The following NPAS3 variants were observed in gnomAD, a reference collection of about 807,000 sequenced individuals.
NPAS3 encodes neuronal PAS domain protein 3, also known as neuronal PAS domain-containing protein 3.
A neutral mutation model predicts 73.1 loss-of-function variants in NPAS3; 14 were observed. The observed-to-expected ratio is 0.19, with a 90% confidence interval of 0.13 to 0.30. The LOEUF (loss-of-function observed/expected upper bound fraction) is 0.30, where lower values mean the gene tolerates loss of function less well. NPAS3 is among the 10% of genes least tolerant of loss of function. NPAS3 has a pLI of 1.00. For synonymous variants in NPAS3, 620 were observed against 541.5 expected, an observed-to-expected ratio of 1.14 and a Z score of -2.01; for missense variants, 1,096 against 1,250.0, an observed-to-expected ratio of 0.88 and a Z score of 1.86.
At chr14:33,354,042 T>C (rs10146790) in intron 3 of NPAS3, among the ~76,000 whole-genome samples, 94,334 of 151,986 alleles carry the variant, frequency 0.62, 29,575 homozygotes, top group African/African-American at 0.7. Flanking sequence ...AAAAAAATAG[T>C]GTGTTGCTTA....
intron 1 of NPAS3, among the ~76,000 whole-genome samples, chr14:32,970,632 G>T (rs1190193739): frequency 2.0e-5 from 3 of 152,126 alleles, no homozygotes; most frequent in Non-Finnish European, 4.4e-5. Context: ...TGAGATCAAG[G>T]TGTCGGGATC....
chr14:32,977,150 A>G (rs987337758), intron 1 of NPAS3, among the ~76,000 whole-genome samples: 6 of 151,272 alleles, frequency 4.0e-5, no homozygotes, highest in Non-Finnish European at 7.4e-5. Flanking sequence ...CTGATTTGTC[A>G]CTATAATTAT....
rs369916736 is a variant in NPAS3, at chr14:33,249,969, C to T, written c.385+34543C>T. 2.5e-4 allele frequency among the ~76,000 whole-genome samples: 38 copies of T among 151,748 alleles called. 1 individual carries two copies. In the South Asian group the frequency reaches 7.3e-3, roughly 29 times the overall value. On this transcript the variant is annotated intron_variant, in intron 3 of 11. Transcript: ENST00000356141. ...ATACACATATAAAATTGTTACTGTTCGATCCCCACTTTTAATAAGAATGGG... is the reference window on the plus strand; with the variant it reads ...ATACACATATAAAATTGTTACTGTTTGATCCCCACTTTTAATAAGAATGGG...
At chr14:33,332,590 C>T (rs879001721) in intron 3 of NPAS3, among the ~76,000 whole-genome samples, 4 of 152,282 alleles carry the variant, frequency 2.6e-5, no homozygotes, top group South Asian at 2.1e-4. Flanking sequence ...AACCATGTCA[C>T]GTCCCCTTAA....
chr14:33,583,511 T>C (rs1595208943), intron 5 of NPAS3: 1 of 152,216 alleles, frequency 6.6e-6, no homozygotes, highest in Non-Finnish European at 1.5e-5. Flanking sequence ...CCCCTAAGAA[T>C]TGATCTATGA....
intron 4 of NPAS3, among the ~76,000 whole-genome samples, chr14:33,485,934 C>T (rs115429485): frequency 0.011 from 1,728 of 151,972 alleles, 32 homozygotes; most frequent in African/African-American, 0.04. Context: ...TCTAGGGGGT[C>T]ATAGTATATG....
intron 1 of NPAS3, among the ~76,000 whole-genome samples, chr14:32,947,997 A>G (rs796357628): frequency 9.9e-5 from 15 of 152,240 alleles, no homozygotes; most frequent in African/African-American, 3.6e-4. Context: ...TCCAGCTGCT[A>G]CTATAACCTG....
At chr14:33,724,382 C>T (rs2061203966) in intron 6 of NPAS3, among the ~76,000 whole-genome samples, 1 of 152,126 alleles carries the variant, frequency 6.6e-6, no homozygotes, top group African/African-American at 2.4e-5. Context: ...GTCTGTAATC[C>T]TAGCACTTTG....
At chr14:33,305,611 T>G (rs892444875) in intron 3 of NPAS3, among the ~76,000 whole-genome samples, 1 of 152,138 alleles carries the variant, frequency 6.6e-6, no homozygotes, top group Non-Finnish European at 1.5e-5. Flanking sequence ...TGAGAATATT[T>G]TTAAGATTGG....
chr14:33,695,507 T>A (rs181941938), intron 6 of NPAS3, among the ~76,000 whole-genome samples: 2 of 152,282 alleles, frequency 1.3e-5, no homozygotes, highest in East Asian at 3.9e-4. Context: ...GACTTCACAT[T>A]GTCAAGTTGG....
intron 1 of NPAS3, among the ~76,000 whole-genome samples, chr14:32,969,152 C>G (rs2037317236): frequency 6.6e-6 from 1 of 152,070 alleles, no homozygotes; most frequent in South Asian, 2.1e-4. Context: ...AGTCTCAGTC[C>G]CTCACCTCCT....
chr14:33,197,561 G>T (rs2046417259), intron 2 of NPAS3, among the ~76,000 whole-genome samples: 1 of 151,708 alleles, frequency 6.6e-6, no homozygotes, highest in Admixed American at 6.6e-5. Context: ...CTCCTGTAAT[G>T]GAAGCAAAAA....
chr14:33,300,472 C>A (rs376426593), intron 3 of NPAS3, among the ~76,000 whole-genome samples: 1 of 152,230 alleles, frequency 6.6e-6, no homozygotes, highest in Admixed American at 6.5e-5. Context: ...ATCAGCCCAA[C>A]CTCTGCAGCA....
chr14:33,758,378 G>A (rs974449172), intron 7 of NPAS3, among the ~76,000 whole-genome samples: 5 of 152,238 alleles, frequency 3.3e-5, no homozygotes, highest in African/African-American at 4.8e-5. Context: ...GCCTTGTCAG[G>A]ATGGCTCTCC....
chr14:33,259,391 C>A lies in NPAS3; in HGVS notation c.385+43965C>A, dbSNP rs546229259. Among the ~76,000 whole-genome samples the A allele has an allele frequency of 9.2e-5, 14 of 152,284 alleles. 1 individual carries two copies. The highest frequency in any genetic ancestry group is 3.4e-3 in the Middle Eastern group (1 of 294). On this transcript the variant is annotated intron_variant, in intron 3 of 11. Coordinates refer to ENST00000356141, the Ensembl canonical transcript of NPAS3. ...ATGATTCACAAACTAAACTACCAAT[C>A]AAATCCTTGGCTTACCGATGGAATA... is the stretch of plus-strand genomic sequence containing the variant.
intron 5 of NPAS3, among the ~76,000 whole-genome samples, chr14:33,675,072 A>AAGAAACAAAC (rs61281795): frequency 6.6e-6 from 1 of 151,422 alleles, no homozygotes; most frequent in Non-Finnish European, 1.5e-5. Flanking sequence ...AATATCCACC[A>AAGAAACAAAC]AGAAACTTGT....
At chr14:33,201,970 A>G (rs1446022886) in intron 2 of NPAS3, among the ~76,000 whole-genome samples, 1 of 152,226 alleles carries the variant, frequency 6.6e-6, no homozygotes, top group Non-Finnish European at 1.5e-5. Flanking sequence ...GAAACTTTTC[A>G]GTTTTGTATG....
intron 3 of NPAS3, among the ~76,000 whole-genome samples, chr14:33,338,243 TTCTG>T (rs1370588044): frequency 6.6e-6 from 1 of 152,142 alleles, no homozygotes; most frequent in Admixed American, 6.5e-5. Context: ...AATGATAATC[TTCTG>T]TCTAAGCCTC....
chr14:33,294,208 C>T lies in NPAS3; in HGVS notation c.386-72978C>T, dbSNP rs146112427. ...CTTGAAGCCATGGTCTTCCCTTGGA[C>T]TGCCTCCCTAGCTTTTGCTTTCTCT... On this transcript the variant is annotated intron_variant, in intron 3 of 11. Transcript: ENST00000356141. 1.7e-4 allele frequency among the ~76,000 whole-genome samples: 26 copies of T among 152,328 alleles called. No individual in the cohort carries two copies. In the East Asian group the frequency reaches 5.0e-3, roughly 29 times the overall value.
Sources: gnomAD v4.1 joint callset for allele counts (sites outside exome capture counted in the v4.1 genomes callset) on GRCh38, gnomAD v4.1.1 for gene constraint, MANE v1.5 for transcripts, NCBI Gene and HGNC (gene_info 2026-07-23, HGNC 2026-07-21) for gene names.